The following ARHGAP10 variants were observed in gnomAD, a reference collection of about 807,000 sequenced individuals.
The protein encoded by ARHGAP10 is rho GTPase-activating protein 10.
ARHGAP10 carries 87 observed loss-of-function variants against 108.6 expected under a neutral mutation model. That is an observed-to-expected ratio of 0.80 (90% CI 0.67 to 0.96). The LOEUF (loss-of-function observed/expected upper bound fraction) is 0.96. Among genes scored for constraint, ARHGAP10 ranks in the 40% least tolerant of loss-of-function variants. ARHGAP10 has a pLI of 0.00. For synonymous variants in ARHGAP10, 347 were observed against 341.1 expected, an observed-to-expected ratio of 1.02 and a Z score of -0.19; for missense variants, 939 against 954.5, an observed-to-expected ratio of 0.98 and a Z score of 0.21.
At chr4:147,849,418 C>G (rs1733770147) in intron 4 of ARHGAP10, among the ~76,000 whole-genome samples, 1 of 152,170 alleles carries the variant, frequency 6.6e-6, no homozygotes, top group Non-Finnish European at 1.5e-5. Flanking sequence ...GTCAAGCACA[C>G]AGTCTTGTTC....
intron 17 of ARHGAP10, 46 bp downstream of exon 17, chr4:147,965,175 G>A: frequency 1.4e-6 from 2 of 1,441,726 alleles, no homozygotes; most frequent in Non-Finnish European, 1.9e-6. Context: ...TTTGCTCTAG[G>A]TGCTGGGTAG....
intron 15 of ARHGAP10, among the ~76,000 whole-genome samples, chr4:147,949,647 G>A (rs1738521875): frequency 6.7e-6 from 1 of 149,380 alleles, no homozygotes; most frequent in Non-Finnish European, 1.5e-5. Context: ...GAGTAGGTAA[G>A]GGATATAAAC....
chr4:147,791,768 A>G (rs548239185), intron 1 of ARHGAP10, among the ~76,000 whole-genome samples: 126 of 152,012 alleles, frequency 8.3e-4, no homozygotes, highest in African/African-American at 2.9e-3. Flanking sequence ...TATTTTTAGT[A>G]GAGATGGGGT....
chr4:147,993,580 G>C (rs1273050626), intron 18 of ARHGAP10, among the ~76,000 whole-genome samples: 1 of 152,216 alleles, frequency 6.6e-6, no homozygotes, highest in Non-Finnish European at 1.5e-5. Flanking sequence ...CTGTGCAACT[G>C]TGACACAGTA....
intron 10 of ARHGAP10, among the ~76,000 whole-genome samples, chr4:147,890,143 T>C (rs1468406690): frequency 6.6e-6 from 1 of 152,238 alleles, no homozygotes; most frequent in African/African-American, 2.4e-5. Flanking sequence ...TATACCTAGT[T>C]GCAAGGGAGG....
intron 15 of ARHGAP10, among the ~76,000 whole-genome samples, chr4:147,953,165 G>T (rs1403950058): frequency 6.6e-6 from 1 of 151,766 alleles, no homozygotes; most frequent in Non-Finnish European, 1.5e-5. Context: ...ATTTGATTTA[G>T]TAACATTTTA....
At chr4:147,895,206 G>A (rs564501496) in intron 10 of ARHGAP10, among the ~76,000 whole-genome samples, 1 of 151,590 alleles carries the variant, frequency 6.6e-6, no homozygotes, top group Non-Finnish European at 1.5e-5. Flanking sequence ...TTATGTTTCT[G>A]CATGATAATT....
At chr4:147,908,611 T>G (rs1302341318) in intron 11 of ARHGAP10, among the ~76,000 whole-genome samples, 4 of 152,216 alleles carry the variant, frequency 2.6e-5, no homozygotes, top group Non-Finnish European at 4.4e-5. Flanking sequence ...TTACAGTTCT[T>G]AAAGGTTGCC....
chr4:148,052,101 C>T (rs529557198), intron 20 of ARHGAP10, among the ~76,000 whole-genome samples: 146 of 152,204 alleles, frequency 9.6e-4, no homozygotes, highest in Middle Eastern at 6.8e-3. Context: ...GCCTAAAGTT[C>T]AGAAAAATAA....
intron 13 of ARHGAP10, among the ~76,000 whole-genome samples, chr4:147,917,683 T>G (rs1737045813): frequency 6.6e-6 from 1 of 152,236 alleles, no homozygotes. Context: ...GTTGTATATT[T>G]TATAGATGTT....
intron 10 of ARHGAP10, among the ~76,000 whole-genome samples, chr4:147,883,894 T>A (rs1735437733): frequency 6.6e-6 from 1 of 151,934 alleles, no homozygotes; most frequent in Non-Finnish European, 1.5e-5. Flanking sequence ...AGGGTTTTGC[T>A]ATGTTGGCCA....
At chr4:147,886,598 C>A (rs949912057) in intron 10 of ARHGAP10, among the ~76,000 whole-genome samples, 1 of 152,202 alleles carries the variant, frequency 6.6e-6, no homozygotes, top group African/African-American at 2.4e-5. Flanking sequence ...TCCACTGCTT[C>A]TTTCCTTCTT....
At chr4:147,946,384 C>T (rs1738379745) in intron 14 of ARHGAP10, 2 of 425,188 alleles carry the variant, frequency 4.7e-6, no homozygotes, top group East Asian at 3.6e-5. Context: ...TTACTCCCAA[C>T]CCATCTCTTA....
intron 18 of ARHGAP10, among the ~76,000 whole-genome samples, chr4:148,000,079 C>T (rs1419075972): frequency 6.6e-6 from 1 of 152,062 alleles, no homozygotes; most frequent in Admixed American, 6.6e-5. Flanking sequence ...CTCCCCCTCT[C>T]CCCACCCCAT....
At chr4:147,975,653 TC>T (rs1282628383) in intron 18 of ARHGAP10, among the ~76,000 whole-genome samples, 1 of 152,188 alleles carries the variant, frequency 6.6e-6, no homozygotes, top group East Asian at 1.9e-4. Flanking sequence ...TAACGAACTC[TC>T]TTGATTACAA....
chr4:148,023,431 T>G lies in ARHGAP10; in HGVS notation c.1867+18T>G. On this transcript the variant is annotated intron_variant, in intron 19 of 22. Transcript: ENST00000336498. ...GGAAGATGGTAAGATGTTAATGATA[T>G]TTTTTGCTTGATAGCATGTTGAGAG... The G allele has an allele frequency of 6.2e-7, 1 of 1,606,714 alleles. No individual in the cohort carries two copies. The highest frequency in any genetic ancestry group is 8.5e-7 in the Non-Finnish European group (1 of 1,174,466).
At chr4:147,939,667 A>C (rs1738094883) in intron 13 of ARHGAP10, among the ~76,000 whole-genome samples, 158 bp from the exon 14 acceptor site, 3 of 152,254 alleles carry the variant, frequency 2.0e-5, no homozygotes, top group Admixed American at 2.0e-4. Context: ...AAAAGCTAGT[A>C]AAACAAGTTG....
intron 3 of ARHGAP10, among the ~76,000 whole-genome samples, chr4:147,824,389 T>C (rs1046359451): frequency 2.6e-5 from 4 of 152,124 alleles, no homozygotes; most frequent in Admixed American, 2.0e-4. Context: ...AATTACGTTA[T>C]AGTGTAAGTG....
In ARHGAP10 at chr4:147,879,413, TA is replaced by T. The variant is rs537898261; in HGVS notation, c.939+76del. Reference sequence around the variant, plus strand: ...GTTTGAGGGTGTCATTTTAATGGTTTATATTTTAATGGTTTATATTCATGGA... The same window carrying T: ...GTTTGAGGGTGTCATTTTAATGGTTTTATTTTAATGGTTTATATTCATGGA... On this transcript the variant is annotated intron_variant, in intron 9 of 22. Coordinates refer to ENST00000336498, the MANE Select transcript of ARHGAP10 (RefSeq NM_024605.4). The T allele has an allele frequency of 1.3e-4, 170 of 1,265,184 alleles. 2 individuals carry two copies. In the South Asian group the frequency reaches 2.4e-3, roughly 18 times the overall value. The allele number at this position is 1,265,184 out of a possible 1,614,324, so 78.4% of individuals were successfully genotyped here. A position where few individuals can be genotyped will look rare whatever the true frequency, so the allele number is the denominator to read the frequency against.
Sources: gnomAD v4.1 joint callset for allele counts (sites outside exome capture counted in the v4.1 genomes callset) on GRCh38, gnomAD v4.1.1 for gene constraint, MANE v1.5 for transcripts, NCBI Gene and HGNC (gene_info 2026-07-23, HGNC 2026-07-21) for gene names.